The following CADPS variants were observed in gnomAD, a reference collection of about 807,000 sequenced individuals.
The protein encoded by CADPS is calcium-dependent secretion activator 1.
Under a neutral mutation model 167.3 loss-of-function variants are expected in CADPS, and 57 were observed. The ratio of observed to expected loss-of-function variants is 0.34; its 90% CI spans 0.28 to 0.42. The LOEUF (loss-of-function observed/expected upper bound fraction) is 0.42, where lower values mean the gene tolerates loss of function less well. Among genes scored for constraint, CADPS ranks in the 20% least tolerant of loss-of-function variants. The pLI is 1.00. For synonymous variants in CADPS, 676 were observed against 635.3 expected, an observed-to-expected ratio of 1.06 and a Z score of -0.96; for missense variants, 1,414 against 1,738.1, an observed-to-expected ratio of 0.81 and a Z score of 3.32.
intron 11 of CADPS, among the ~76,000 whole-genome samples, chr3:62,538,722 G>C (rs1343745238): frequency 1.3e-5 from 2 of 152,074 alleles, no homozygotes; most frequent in Non-Finnish European, 2.9e-5. Flanking sequence ...CAGAGAGAAG[G>C]GGGCTCTTTT....
At chr3:62,694,828 G>A (rs2079970032) in intron 3 of CADPS, among the ~76,000 whole-genome samples, 1 of 152,044 alleles carries the variant, frequency 6.6e-6, no homozygotes, top group African/African-American at 2.4e-5. Flanking sequence ...TATATTGCTG[G>A]TTAGGAGACA....
intron 13 of CADPS, among the ~76,000 whole-genome samples, chr3:62,528,957 G>C (rs141919726): frequency 0.024 from 3,645 of 152,178 alleles, 61 homozygotes; most frequent in Middle Eastern, 0.085. Flanking sequence ...TCAGGAGTTC[G>C]AGACCAGCCT....
intron 6 of CADPS, 68 bp downstream of exon 6, chr3:62,645,654 G>C: frequency 3.8e-6 from 6 of 1,559,372 alleles, no homozygotes; most frequent in Non-Finnish European, 4.4e-6. Context: ...CTTTACCTTG[G>C]AGTTGGCCAA....
intron 1 of CADPS, among the ~76,000 whole-genome samples, chr3:62,856,484 T>C (rs576488266): frequency 1.3e-5 from 2 of 152,112 alleles, no homozygotes; most frequent in African/African-American, 4.8e-5. Flanking sequence ...TTAAAACTGA[T>C]AAAATCATTA....
At chr3:62,407,336 C>A (rs1708892276) in intron 28 of CADPS, among the ~76,000 whole-genome samples, 1 of 152,180 alleles carries the variant, frequency 6.6e-6, no homozygotes, top group Non-Finnish European at 1.5e-5. Flanking sequence ...AGCCCCTTAA[C>A]CATGCAATTG....
chr3:62,557,522 G>A lies in CADPS; in HGVS notation c.1645-9C>T. The A allele has an allele frequency of 6.2e-7, 1 of 1,607,940 alleles. No homozygotes were observed. Among genetic ancestry groups the A allele is most frequent in the South Asian group, 1.1e-5 (1 of 90,938 alleles). On this transcript the variant is annotated splice_polypyrimidine_tract_variant and intron_variant, in intron 9 of 29. Coordinates refer to ENST00000383710, the MANE Select transcript of CADPS (RefSeq NM_003716.4). The stretch of plus-strand genomic sequence containing the variant: ...AACGTGTACTGACTGACCTGTTAAG[G>A]AAAAGCAGATTGTGAGGTTGACCCC...
At chr3:62,477,401 G>GTGA (rs1359596118) in intron 23 of CADPS, among the ~76,000 whole-genome samples, 2 of 151,750 alleles carry the variant, frequency 1.3e-5, no homozygotes, top group African/African-American at 4.8e-5. Context: ...GGTAGACAGA[G>GTGA]TGATGATGAT....
At chr3:62,776,640 A>C (rs2090383291) in intron 1 of CADPS, among the ~76,000 whole-genome samples, 1 of 152,092 alleles carries the variant, frequency 6.6e-6, no homozygotes. Context: ...GACAACAGAG[A>C]GAGACTCCAT....
At chr3:62,464,309 A>G (rs145382980) in intron 26 of CADPS, among the ~76,000 whole-genome samples, 6 of 152,314 alleles carry the variant, frequency 3.9e-5, no homozygotes, top group African/African-American at 1.4e-4. Flanking sequence ...TGTGCCATCC[A>G]CTACCCTGTG....
At chr3:62,426,428 C>T (rs1215411484) in intron 28 of CADPS, among the ~76,000 whole-genome samples, 4 of 152,096 alleles carry the variant, frequency 2.6e-5, no homozygotes, top group Non-Finnish European at 5.9e-5. Context: ...GGATTACAGG[C>T]GTGAGCCACC....
intron 1 of CADPS, among the ~76,000 whole-genome samples, chr3:62,838,135 G>C (rs2076157977): frequency 6.6e-6 from 1 of 152,140 alleles, no homozygotes; most frequent in Non-Finnish European, 1.5e-5. Context: ...GAAAAGATGT[G>C]GCTACTTGTG....
At chr3:62,755,997 G>T (rs140430775) in intron 2 of CADPS, among the ~76,000 whole-genome samples, 3 of 151,890 alleles carry the variant, frequency 2.0e-5, no homozygotes, top group African/African-American at 7.3e-5. Context: ...CCTCTAACTT[G>T]CTGTGTGACC....
intron 6 of CADPS, among the ~76,000 whole-genome samples, chr3:62,604,005 T>A (rs1181493378): frequency 6.6e-6 from 1 of 150,584 alleles, no homozygotes; most frequent in African/African-American, 2.4e-5. Flanking sequence ...TTTTTTTTTT[T>A]ATTTTTAGTG....
intron 13 of CADPS, among the ~76,000 whole-genome samples, chr3:62,524,494 T>A (rs1270189800): frequency 6.6e-6 from 1 of 152,210 alleles, no homozygotes; most frequent in Non-Finnish European, 1.5e-5. Flanking sequence ...CAATAAGCAG[T>A]TTCTACAATA....
At chr3:62,826,667 G>A (rs2074101082) in intron 1 of CADPS, among the ~76,000 whole-genome samples, 1 of 152,026 alleles carries the variant, frequency 6.6e-6, no homozygotes, top group African/African-American at 2.4e-5. Context: ...TGACACAGGG[G>A]GCTTTCACAT....
At chr3:62,808,581 T>C (rs969688195) in intron 1 of CADPS, among the ~76,000 whole-genome samples, 2 of 152,180 alleles carry the variant, frequency 1.3e-5, no homozygotes, top group Non-Finnish European at 2.9e-5. Flanking sequence ...GTTTTCCTTC[T>C]GACTCCCTGA....
At chr3:62,660,735 G>A (rs1308635501) in intron 4 of CADPS, among the ~76,000 whole-genome samples, 1 of 152,138 alleles carries the variant, frequency 6.6e-6, no homozygotes, top group Admixed American at 6.5e-5. Flanking sequence ...AATACAGTAG[G>A]AATCATCAGG....
chr3:62,875,055 T>C lies in CADPS; in HGVS notation c.-26A>G, dbSNP rs1433443838. 1.3e-6 allele frequency: 2 copies of C among 1,566,614 alleles called. No homozygotes were observed. The highest frequency in any genetic ancestry group is 2.8e-5 in the African/African-American group (2 of 71,226). On this transcript the variant is annotated 5_prime_UTR_variant, in exon 1 of 30. Coordinates refer to ENST00000383710, the MANE Select transcript of CADPS (RefSeq NM_003716.4). ...AGTGGCGCCTGGGGAGCGGGGTCTC[T>C]GGAGCCCCCGGCTTGGAGTGCAAAA... is the stretch of plus-strand genomic sequence containing the variant.
At chr3:62,431,626 A>C (rs2053974550) in intron 28 of CADPS, among the ~76,000 whole-genome samples, 1 of 151,766 alleles carries the variant, frequency 6.6e-6, no homozygotes, top group Non-Finnish European at 1.5e-5. Context: ...TCCCTATAAC[A>C]AGTCAAGATC....
Sources: gnomAD v4.1 joint callset for allele counts (sites outside exome capture counted in the v4.1 genomes callset) on GRCh38, gnomAD v4.1.1 for gene constraint, MANE v1.5 for transcripts, NCBI Gene and HGNC (gene_info 2026-07-23, HGNC 2026-07-21) for gene names.